The following MACC1 variants were observed in gnomAD, a reference collection of about 807,000 sequenced individuals.
The protein encoded by MACC1 is metastasis-associated in colon cancer protein 1.
A neutral mutation model predicts 70.7 loss-of-function variants in MACC1; 79 were observed. That is an observed-to-expected ratio of 1.12 (90% CI 0.93 to 1.35). The LOEUF (loss-of-function observed/expected upper bound fraction) is 1.35, where lower values mean the gene tolerates loss of function less well. Among genes scored for constraint, MACC1 ranks in the 40% most tolerant of loss-of-function variants. The probability of loss-of-function intolerance (pLI) is 0.00; values close to 1 mark genes in which losing one functional copy is unlikely to be tolerated. For missense variants in MACC1, 1,106 were observed against 978.1 expected, an observed-to-expected ratio of 1.13 and a Z score of -1.74; for synonymous variants, 361 against 347.2, an observed-to-expected ratio of 1.04 and a Z score of -0.44.
intron 1 of MACC1, among the ~76,000 whole-genome samples, chr7:20,199,770 T>C (rs1782805996): frequency 6.6e-6 from 1 of 152,240 alleles, no homozygotes; most frequent in Non-Finnish European, 1.5e-5. Context: ...TCACTTTAAA[T>C]CTTTACCTTT....
At position 20,215,078 on chromosome 7, in the gene MACC1, GTTTATTTATTTATTTA is replaced by G. The variant is rs10604824; in HGVS notation, c.-218+2205_-218+2220del. 7.0e-4 allele frequency among the ~76,000 whole-genome samples: 103 copies of G among 147,378 alleles called. No homozygotes were observed. In the East Asian group the frequency reaches 0.017, roughly 24 times the overall value. On this transcript the variant is annotated intron_variant, in intron 1 of 6. Coordinates refer to ENST00000400331, the MANE Select transcript of MACC1 (RefSeq NM_182762.4). The stretch of plus-strand genomic sequence containing the variant: ...TCTGAATGACTCATATACATCTCAA[GTTTATTTATTTATTTA>G]TTTATTTATTTATTTATTTATTTGG...
intron 1 of MACC1, among the ~76,000 whole-genome samples, chr7:20,185,418 A>G (rs1782571025): frequency 6.6e-6 from 1 of 152,196 alleles, no homozygotes; most frequent in Admixed American, 6.5e-5. Flanking sequence ...AGAAATAAGG[A>G]AAACTCTTGG....
chr7:20,176,069 T>C (rs935523601), intron 1 of MACC1, among the ~76,000 whole-genome samples: 1 of 152,050 alleles, frequency 6.6e-6, no homozygotes, highest in Admixed American at 6.6e-5. Flanking sequence ...GGAAATCAAG[T>C]CAGAGATATT....
chr7:20,198,899 A>G (rs1033120100), intron 1 of MACC1, among the ~76,000 whole-genome samples: 7 of 152,234 alleles, frequency 4.6e-5, no homozygotes, highest in African/African-American at 7.2e-5. Flanking sequence ...AGGATGCCTA[A>G]CAAATCTTTT....
At chr7:20,203,988 T>C (rs1782871342) in intron 1 of MACC1, among the ~76,000 whole-genome samples, 1 of 152,218 alleles carries the variant, frequency 6.6e-6, no homozygotes, top group South Asian at 2.1e-4. Flanking sequence ...ATGTTTCCAT[T>C]TGCATTTTAA....
intron 1 of MACC1, among the ~76,000 whole-genome samples, chr7:20,178,501 T>C (rs372198257): frequency 4.1e-4 from 63 of 152,328 alleles, no homozygotes; most frequent in African/African-American, 1.3e-3. Context: ...TGTTCTTTTG[T>C]AGGCAGTTTT....
In MACC1 at chr7:20,159,789, G is replaced by A. The variant is rs895366106; in HGVS notation, c.572C>T (p.Ser191Phe). 3.4e-5 allele frequency: 55 copies of A among 1,613,998 alleles called. No homozygotes were observed. Among genetic ancestry groups the A allele is most frequent in the Non-Finnish European group, 4.2e-5 (50 of 1,180,044 alleles). ...ACTAATTGTATTCAAATCAAGGCAG[G>A]AGCGGGCCAGCTGGCGTTGACTTAA... The part of the protein sequence containing the change: ...AWLSQRQLAR[S>F]CLDLNTISQS... The change falls in exon 5 of 7, where the codon TCC (serine) becomes TTC (phenylalanine). Residue 191 changes from serine to phenylalanine, a missense_variant. Coordinates refer to ENST00000400331, the MANE Select transcript of MACC1 (RefSeq NM_182762.4).
At chr7:20,187,502 C>T (rs76272741) in intron 1 of MACC1, among the ~76,000 whole-genome samples, 4,000 of 152,288 alleles carry the variant, frequency 0.026, 95 homozygotes, top group Non-Finnish European at 0.039. Context: ...CCTCTTCCCA[C>T]AGCTTAAACT....
intron 1 of MACC1, among the ~76,000 whole-genome samples, chr7:20,208,924 G>T (rs1782954265): frequency 6.6e-6 from 1 of 152,206 alleles, no homozygotes; most frequent in South Asian, 2.1e-4. Flanking sequence ...ATGGCTAAAA[G>T]GGATCAAGGT....
chr7:20,210,976 T>C (rs1782987388), intron 1 of MACC1, among the ~76,000 whole-genome samples: 1 of 152,186 alleles, frequency 6.6e-6, no homozygotes, highest in Admixed American at 6.5e-5. Context: ...AAAACTAAAT[T>C]CTTCTCAGTA....
chr7:20,148,758 T>C (rs1336302808), intron 6 of MACC1, among the ~76,000 whole-genome samples: 2 of 152,166 alleles, frequency 1.3e-5, no homozygotes, highest in Non-Finnish European at 2.9e-5. Flanking sequence ...AAAGTAGACA[T>C]GGTAATCTAA....
Position 20,180,445 on chromosome 7 carries a change from A to C in MACC1, c.-217-9667T>G, listed in dbSNP as rs145238040. The stretch of plus-strand genomic sequence containing the variant: ...CGACAAAGCAAGACTCCATCTAAAA[A>C]AAAGGAAAAAAAAAAGAAAAAAAAA... On this transcript the variant is annotated intron_variant, in intron 1 of 6. Coordinates refer to ENST00000400331, the MANE Select transcript of MACC1 (RefSeq NM_182762.4). Among the ~76,000 whole-genome samples, 545 of 152,234 alleles carry C rather than the reference A, an allele frequency of 3.6e-3. 7 individuals carry two copies. Among genetic ancestry groups the C allele is most frequent in the African/African-American group, 0.012 (513 of 41,538 alleles).
intron 1 of MACC1, among the ~76,000 whole-genome samples, chr7:20,191,335 A>C (rs747259793): frequency 6.6e-6 from 1 of 152,210 alleles, no homozygotes; most frequent in Non-Finnish European, 1.5e-5. Context: ...AGGTCCTGGA[A>C]ACACAGGAGG....
chr7:20,207,967 C>T (rs919218816), intron 1 of MACC1, among the ~76,000 whole-genome samples: 1 of 152,032 alleles, frequency 6.6e-6, no homozygotes, highest in African/African-American at 2.4e-5. Flanking sequence ...GAAGTTTCCC[C>T]CATGCTGTTC....
At position 20,139,059 on chromosome 7, in the gene MACC1, C is replaced by T. The variant is rs928608414; in HGVS notation, c.*1887G>A. The T allele has an allele frequency of 2.6e-5, 4 of 152,154 alleles. No homozygotes were observed. Among genetic ancestry groups the T allele is most frequent in the Non-Finnish European group, 4.4e-5 (3 of 68,004 alleles). 9.4% of individuals were successfully genotyped at this position (152,154 alleles called of 1,614,324 possible). A position where few individuals can be genotyped will look rare whatever the true frequency, so the allele number is the denominator to read the frequency against. ...GTATATTAAAAGCCCTAAAAAGATT[C>T]TGCTTTTACTTTTTAGCCAAATGGA... On this transcript the variant is annotated 3_prime_UTR_variant, in exon 7 of 7. Transcript: ENST00000400331.
In MACC1 at chr7:20,159,093, TG is replaced by T. The variant is rs1782101025; in HGVS notation, c.1267del (p.Gln423SerfsTer11). ...SPVVFQLWGK[Q>X]SFLLDKPQDL... is the part of the protein sequence containing the mutation. ...TTGTGGCTTGTCAAGTAAAAATGACTGCTTCCCCCAGAGCTGAAACACAACT... is the reference window on the plus strand; with the variant it reads ...TTGTGGCTTGTCAAGTAAAAATGACTCTTCCCCCAGAGCTGAAACACAACT... On this transcript the variant is annotated frameshift_variant, in exon 5 of 7. Transcript: ENST00000400331. LOFTEE classifies it high-confidence loss of function. 39 of 1,613,022 alleles carry T rather than the reference TG, an allele frequency of 2.4e-5. No individual in the cohort carries two copies. The highest frequency in any genetic ancestry group is 2.1e-4 in the African/African-American group (16 of 74,964).
In MACC1 at chr7:20,146,857, T is replaced by C. The variant is rs3779502; in HGVS notation, c.2347-5699A>G. On this transcript the variant is annotated intron_variant, in intron 6 of 6. Coordinates refer to ENST00000400331, the MANE Select transcript of MACC1 (RefSeq NM_182762.4). ...ACAAATATTTAATACATAGGCTGCA[T>C]TCTTATGCCTCTATTCTTAGATTTT... Among the ~76,000 whole-genome samples, 1,088 of 152,352 alleles carry C rather than the reference T, an allele frequency of 7.1e-3. 26 individuals are homozygous for C. The highest frequency in any genetic ancestry group is 0.038 in the Admixed American group (576 of 15,308).
chr7:20,189,770 C>CACACAT (rs1554291005), intron 1 of MACC1, among the ~76,000 whole-genome samples: 1 of 151,860 alleles, frequency 6.6e-6, no homozygotes, highest in Non-Finnish European at 1.5e-5. Flanking sequence ...CACACACACA[C>CACACAT]ACACATACAC....
At chr7:20,148,323 G>C (rs1781924247) in intron 6 of MACC1, among the ~76,000 whole-genome samples, 1 of 152,120 alleles carries the variant, frequency 6.6e-6, no homozygotes, top group African/African-American at 2.4e-5. Flanking sequence ...TCCAGGAAAA[G>C]AACCCAGGTA....
Sources: gnomAD v4.1 joint callset for allele counts (sites outside exome capture counted in the v4.1 genomes callset) on GRCh38, gnomAD v4.1.1 for gene constraint, MANE v1.5 for transcripts, NCBI Gene and HGNC (gene_info 2026-07-23, HGNC 2026-07-21) for gene names.